USP43: variants seen among roughly 807,000 people sequenced by gnomAD.
USP43 encodes ubiquitin specific peptidase 43, also known as ubiquitin carboxyl-terminal hydrolase 43.
In USP43, 33 loss-of-function variants were observed where a neutral mutation model predicts 90.7. The observed-to-expected ratio is 0.36, with a 90% CI of 0.28 to 0.49. The LOEUF (loss-of-function observed/expected upper bound fraction) is 0.49, where lower values mean the gene tolerates loss of function less well. Ranked by LOEUF, USP43 falls within the 20% of genes least tolerant of loss-of-function variation. USP43 has a pLI of 0.98. For missense variants in USP43, 1,274 were observed against 1,476.4 expected, an observed-to-expected ratio of 0.86 and a Z score of 2.25; for synonymous variants, 598 against 615.8, an observed-to-expected ratio of 0.97 and a Z score of 0.43.
rs755835354 is a variant in USP43, at chr17:9,693,147, C to T, written c.1374C>T (p.Ser458=). Residue 458 remains serine, a synonymous_variant, in exon 9 of 15, where the codon TCC becomes TCT. Coordinates refer to ENST00000285199, the MANE Select transcript of USP43 (RefSeq NM_153210.5). ...CGCAGAACCTGGGGTCTCTGTTCTC[C>T]ATCCGTGTTGTGGGACTCTCTGTGG... ...APVQNLGSLF[S]IRVVGLSVAC... is the part of the protein sequence containing the mutation. 2.5e-5 allele frequency: 40 copies of T among 1,613,610 alleles called. No individual in the cohort carries two copies. Among genetic ancestry groups the T allele is most frequent in the Non-Finnish European group, 3.4e-5 (40 of 1,179,804 alleles).
At position 9,728,628 on chromosome 17, in the gene USP43, C is replaced by T. The variant is rs770651491; in HGVS notation, c.3010C>T (p.Arg1004Trp). 1.0e-4 allele frequency: 164 copies of T among 1,613,528 alleles called. 1 individual carries two copies. Among genetic ancestry groups the T allele is most frequent in the Middle Eastern group, 4.9e-4 (3 of 6,082 alleles). ...ACTCACCCTTCTGAGGTCCGTGTTTCGGAAGAAGGAGAACAGGAGGAATGA... is the reference window on the plus strand; with the variant it reads ...ACTCACCCTTCTGAGGTCCGTGTTTTGGAAGAAGGAGAACAGGAGGAATGA... ...GTLTLLRSVF[R>W]KKENRRNERA... Residue 1004 changes from arginine (R) to tryptophan (W), a missense_variant, in exon 15 of 15, where the codon CGG becomes TGG. By Grantham distance (101) the Arg-to-Trp change is moderately radical. Coordinates refer to ENST00000285199, the MANE Select transcript of USP43 (RefSeq NM_153210.5). The surrounding 1 kb of genome is among the most constrained non-coding windows in gnomAD (Gnocchi z 6.2).
At chr17:9,690,160 C>T (rs1914853232) in intron 8 of USP43, among the ~76,000 whole-genome samples, 1 of 152,166 alleles carries the variant, frequency 6.6e-6, no homozygotes, top group Non-Finnish European at 1.5e-5. Context: ...GCTCACAACT[C>T]TCTGCATCTG....
At chr17:9,721,141 C>G (rs1485678462) in intron 14 of USP43, among the ~76,000 whole-genome samples, 1 of 151,370 alleles carries the variant, frequency 6.6e-6, no homozygotes, top group Non-Finnish European at 1.5e-5. Flanking sequence ...ACAACCATGA[C>G]CATGTAAAAA....
At chr17:9,649,708 G>GA (rs919524180) in intron 1 of USP43, among the ~76,000 whole-genome samples, 22 of 139,812 alleles carry the variant, frequency 1.6e-4, no homozygotes, top group Non-Finnish European at 2.7e-4. Flanking sequence ...TTAAAATGTA[G>GA]AAAAAAAAAG....
chr17:9,684,090 T>C (rs753724514), intron 7 of USP43, among the ~76,000 whole-genome samples: 56 of 151,874 alleles, frequency 3.7e-4, no homozygotes, highest in Non-Finnish European at 7.5e-4. Flanking sequence ...TCGGCCGAGA[T>C]TGCACCACTG....
intron 9 of USP43, among the ~76,000 whole-genome samples, chr17:9,694,653 C>T (rs1427383888): frequency 2.0e-5 from 3 of 151,920 alleles, no homozygotes; most frequent in South Asian, 2.1e-4. Context: ...GATGGAGTCT[C>T]GCTTTGTCTT....
chr17:9,717,811 T>G (rs2151999009), intron 14 of USP43, among the ~76,000 whole-genome samples: 1 of 152,050 alleles, frequency 6.6e-6, no homozygotes, highest in South Asian at 2.1e-4. Context: ...ATTTTTTTTT[T>G]TTTTGAGGCG....
chr17:9,689,415 T>G (rs1366064169), intron 8 of USP43, among the ~76,000 whole-genome samples: 2 of 139,000 alleles, frequency 1.4e-5, no homozygotes, highest in East Asian at 3.9e-4. Flanking sequence ...AATGCCAATT[T>G]TTTTTTTTTT....
intron 1 of USP43, 85 bp downstream of exon 1, chr17:9,646,221 T>G: frequency 7.4e-7 from 1 of 1,350,822 alleles, no homozygotes; most frequent in Middle Eastern, 2.7e-4. Context: ...AGGGTTTTCT[T>G]GGGGCCTTCT....
At chr17:9,681,462 T>TTTTA (rs1491455898) in intron 6 of USP43, among the ~76,000 whole-genome samples, 305 of 18,572 alleles carry the variant, frequency 0.016, 21 homozygotes, top group Admixed American at 0.023. Flanking sequence ...ATAAAATATA[T>TTTTA]TATATATATA....
chr17:9,665,393 C>G (rs1415789420), intron 2 of USP43, among the ~76,000 whole-genome samples: 1 of 152,108 alleles, frequency 6.6e-6, no homozygotes, highest in Non-Finnish European at 1.5e-5. Flanking sequence ...AGGAAACTTA[C>G]AGTCATGGTG....
intron 7 of USP43, among the ~76,000 whole-genome samples, chr17:9,685,070 T>A (rs557751990): frequency 6.6e-6 from 1 of 152,320 alleles, no homozygotes; most frequent in East Asian, 1.9e-4. Flanking sequence ...ATTGTTTAAA[T>A]AAAAACTTGG....
At chr17:9,725,083 G>A (rs867820594) in intron 14 of USP43, among the ~76,000 whole-genome samples, 7 of 152,312 alleles carry the variant, frequency 4.6e-5, no homozygotes, top group Middle Eastern at 3.4e-3. Context: ...AGATGTGGCC[G>A]TTCTCAAAGC....
intron 2 of USP43, among the ~76,000 whole-genome samples, chr17:9,663,716 A>G (rs1223481044): frequency 6.6e-6 from 1 of 152,058 alleles, no homozygotes; most frequent in Non-Finnish European, 1.5e-5. Flanking sequence ...CTCTGCCTCC[A>G]GGGTTCAAGT....
At chr17:9,654,612 G>T (rs1325185806) in intron 1 of USP43, among the ~76,000 whole-genome samples, 8 of 148,146 alleles carry the variant, frequency 5.4e-5, no homozygotes, top group African/African-American at 7.5e-5. Context: ...TCATGCCATT[G>T]CACTCTAGCC....
chr17:9,700,099 G>C (rs1235750231), intron 9 of USP43, 73 bp from the exon 10 acceptor site: 1 of 1,384,566 alleles, frequency 7.2e-7, no homozygotes, highest in African/African-American at 1.4e-5. Context: ...TTGTGGGGGA[G>C]ACTGCTGAGC....
At chr17:9,683,025 T>C (rs1161293743) in intron 7 of USP43, 67 bp downstream of exon 7, 1 of 1,554,112 alleles carries the variant, frequency 6.4e-7, no homozygotes, top group African/African-American at 1.4e-5. Context: ...TGGGAGCCTG[T>C]CTAGAGTAAA....
chr17:9,721,318 A>G (rs1439897531), intron 14 of USP43, among the ~76,000 whole-genome samples: 2 of 152,048 alleles, frequency 1.3e-5, no homozygotes, highest in Non-Finnish European at 2.9e-5. Context: ...TCCAGATAGT[A>G]TTTCATTTCG....
intron 14 of USP43, among the ~76,000 whole-genome samples, chr17:9,724,681 A>G (rs1252803571): frequency 1.3e-5 from 2 of 152,252 alleles, no homozygotes; most frequent in Non-Finnish European, 1.5e-5. Flanking sequence ...ACTCTGTCTC[A>G]AGAAAGAAAG....
Sources: gnomAD v4.1 joint callset for allele counts (sites outside exome capture counted in the v4.1 genomes callset) on GRCh38, gnomAD v4.1.1 for gene constraint, Gnocchi (gnomAD v3.1) non-coding constraint, MANE v1.5 for transcripts, NCBI Gene and HGNC (gene_info 2026-07-23, HGNC 2026-07-21) for gene names.